FARSB: variants seen among roughly 807,000 people sequenced by gnomAD.
FARSB encodes the protein phenylalanyl-tRNA synthetase subunit beta.
In FARSB, 40 loss-of-function variants were observed where a neutral mutation model predicts 69.6. That is an observed-to-expected ratio of 0.57 (90% CI 0.45 to 0.75). The LOEUF (loss-of-function observed/expected upper bound fraction) is 0.75. FARSB is among the 30% of genes least tolerant of loss of function. The pLI is 0.00. For synonymous variants in FARSB, 235 were observed against 247.2 expected (o/e 0.95, Z 0.46); for missense variants, 632 against 722.9 (o/e 0.87, Z 1.44).
At chr2:222,580,722 A>C (rs1689945755) in intron 16 of FARSB, among the ~76,000 whole-genome samples, 1 of 152,190 alleles carries the variant, frequency 6.6e-6, no homozygotes, top group Non-Finnish European at 1.5e-5. Context: ...AAATGCCCCA[A>C]ATCAACCTAG....
chr2:222,575,221 G>A (rs1018346787), intron 16 of FARSB, among the ~76,000 whole-genome samples: 17 of 152,200 alleles, frequency 1.1e-4, no homozygotes, highest in African/African-American at 3.9e-4. Context: ...TAGGACTAAT[G>A]TGCCGTAAAG....
At chr2:222,619,415 A>T (rs1489037890) in intron 14 of FARSB, among the ~76,000 whole-genome samples, 1 of 152,216 alleles carries the variant, frequency 6.6e-6, no homozygotes, top group Non-Finnish European at 1.5e-5. Flanking sequence ...AGATAATACA[A>T]AGCAAGTAAG....
At position 222,619,156 on chromosome 2, in the gene FARSB, T is replaced by A. The variant is rs536607307; in HGVS notation, c.1344+489A>T. Reference sequence around the variant, plus strand: ...GACTCTGTCTCAAAAAAAAAAAAAATTTAGCCAAGCATCGTGGCATGCACC... The same window carrying A: ...GACTCTGTCTCAAAAAAAAAAAAAAATTAGCCAAGCATCGTGGCATGCACC... On this transcript the variant is annotated intron_variant, in intron 14 of 16. Transcript: ENST00000281828. 1.8e-3 allele frequency among the ~76,000 whole-genome samples: 219 copies of A among 124,816 alleles called. 1 individual carries two copies. Among genetic ancestry groups the A allele is most frequent in the Admixed American group, 0.015 (187 of 12,418 alleles). 81.9% of individuals were successfully genotyped at this position (124,816 alleles called of 152,430 possible).
rs1051860072 is a variant in FARSB, at chr2:222,568,179, A to C, written c.*3692T>G. On this transcript the variant is annotated 3_prime_UTR_variant, in exon 17 of 17. Coordinates refer to ENST00000281828, the MANE Select transcript of FARSB (RefSeq NM_005687.5). The surrounding 1 kb of genome is among the most constrained non-coding windows in gnomAD (Gnocchi z 4.3). ...ATTGTTAACAGCAGTTAGTTACTTC[A>C]GGGAATCAGGAGGAAGAAAGGTAGA... 2.6e-5 allele frequency: 4 copies of C among 152,244 alleles called. No homozygotes were observed. The highest frequency in any genetic ancestry group is 5.9e-5 in the Non-Finnish European group (4 of 68,036). The allele number at this position is 152,244 out of a possible 1,614,324, so 9.4% of individuals were successfully genotyped here.
At chr2:222,643,049 ACT>A in intron 2 of FARSB, 44 bp from the exon 3 acceptor site, 1 of 1,292,524 alleles carries the variant, frequency 7.7e-7, no homozygotes, top group Non-Finnish European at 1.1e-6. Flanking sequence ...AATAATTTAA[ACT>A]CTCTTTAAAA....
intron 16 of FARSB, among the ~76,000 whole-genome samples, chr2:222,583,722 T>C (rs1319903494): frequency 1.3e-5 from 2 of 151,860 alleles, no homozygotes; most frequent in Non-Finnish European, 2.9e-5. Context: ...ATAATCCCCA[T>C]GGGAGGGTCT....
chr2:222,592,276 T>A (rs1472102808), intron 16 of FARSB, among the ~76,000 whole-genome samples: 1 of 152,170 alleles, frequency 6.6e-6, no homozygotes, highest in Admixed American at 6.6e-5. Context: ...ATTTATTCAA[T>A]GTGTTTTCCT....
chr2:222,605,896 C>G lies in FARSB; in HGVS notation c.1463-5813G>C, dbSNP rs1237077937. Reference sequence around the variant, plus strand: ...AGATTGCAGTGAGCTATGATCATGCCTGAGTGACAGAGTGAGACCCTGCCT... The same window carrying G: ...AGATTGCAGTGAGCTATGATCATGCGTGAGTGACAGAGTGAGACCCTGCCT... On this transcript the variant is annotated intron_variant, in intron 15 of 16. Transcript: ENST00000281828. Among the ~76,000 whole-genome samples the G allele has an allele frequency of 2.0e-5, 3 of 152,092 alleles. No homozygotes were observed. The East Asian group carries it at 5.8e-4, about 29-fold the overall frequency.
intron 15 of FARSB, among the ~76,000 whole-genome samples, chr2:222,607,881 TC>T (rs1292415929): frequency 6.6e-6 from 1 of 152,074 alleles, no homozygotes; most frequent in African/African-American, 2.4e-5. Flanking sequence ...TATGACCTTC[TC>T]AACGCATGAA....
chr2:222,605,367 A>C (rs1327472064), intron 15 of FARSB, among the ~76,000 whole-genome samples: 1 of 152,168 alleles, frequency 6.6e-6, no homozygotes, highest in Non-Finnish European at 1.5e-5. Flanking sequence ...ACGTATTGAA[A>C]CAACTTTGGA....
chr2:222,639,491 G>T, intron 5 of FARSB, 89 bp downstream of exon 5: 1 of 502,532 alleles, frequency 2.0e-6, no homozygotes, highest in Non-Finnish European at 3.6e-6. Context: ...AGTGGCAAGA[G>T]AGAAGAGGGA....
intron 3 of FARSB, 44 bp downstream of exon 3, chr2:222,642,807 G>C (rs2106238446): frequency 6.8e-7 from 1 of 1,462,786 alleles, no homozygotes; most frequent in Non-Finnish European, 9.2e-7. Flanking sequence ...GGAAAGAAAA[G>C]AAAACCCAAC....
rs1056506011 is a variant in FARSB, at chr2:222,568,180, G to A, written c.*3691C>T. ...TTGTTAACAGCAGTTAGTTACTTCAGGGAATCAGGAGGAAGAAAGGTAGAT... is the reference window on the plus strand; with the variant it reads ...TTGTTAACAGCAGTTAGTTACTTCAAGGAATCAGGAGGAAGAAAGGTAGAT... On this transcript the variant is annotated 3_prime_UTR_variant, in exon 17 of 17. Coordinates refer to ENST00000281828, the MANE Select transcript of FARSB (RefSeq NM_005687.5). The surrounding 1 kb of genome is among the most constrained non-coding windows in gnomAD (Gnocchi z 4.3). 3 of 152,138 alleles carry A rather than the reference G, an allele frequency of 2.0e-5. No homozygotes were observed. Among genetic ancestry groups the A allele is most frequent in the Non-Finnish European group, 4.4e-5 (3 of 68,020 alleles). The allele number at this position is 152,138 out of a possible 1,614,324, so 9.4% of individuals were successfully genotyped here. A position where few individuals can be genotyped will look rare whatever the true frequency, so the allele number is the denominator to read the frequency against.
chr2:222,647,726 T>C (rs113622931), intron 2 of FARSB, among the ~76,000 whole-genome samples: 8,222 of 152,244 alleles, frequency 0.054, 449 homozygotes, highest in African/African-American at 0.14. Flanking sequence ...GATCGCGCTG[T>C]CGCACTCCAG....
chr2:222,632,977 GA>G (rs1249217744), intron 7 of FARSB, among the ~76,000 whole-genome samples: 1 of 152,180 alleles, frequency 6.6e-6, no homozygotes, highest in East Asian at 1.9e-4. Context: ...CCTAGCATCA[GA>G]AAATATTTAT....
At chr2:222,572,535 C>G (rs1029766820) in intron 16 of FARSB, among the ~76,000 whole-genome samples, 3 of 152,214 alleles carry the variant, frequency 2.0e-5, no homozygotes, top group Non-Finnish European at 4.4e-5. Context: ...GAAACTGGAG[C>G]CGCCGTGTCA....
At chr2:222,633,056 T>C (rs1013621373) in intron 7 of FARSB, 143 bp downstream of exon 7, 1 of 602,244 alleles carries the variant, frequency 1.7e-6, no homozygotes, top group Non-Finnish European at 2.9e-6. Context: ...ATGAAAAGAA[T>C]GATTAGAATC....
chr2:222,594,619 G>T (rs746128311), intron 16 of FARSB, among the ~76,000 whole-genome samples: 19 of 151,942 alleles, frequency 1.3e-4, no homozygotes, highest in Non-Finnish European at 2.4e-4. Flanking sequence ...TAAGGAAAAA[G>T]AAAATATCTA....
intron 10 of FARSB, among the ~76,000 whole-genome samples, chr2:222,626,733 AATC>A (rs1214289816): frequency 6.6e-6 from 1 of 152,190 alleles, no homozygotes; most frequent in Non-Finnish European, 1.5e-5. Context: ...ACACTTGACA[AATC>A]ATCATATTGA....
Sources: allele counts gnomAD v4.1 joint callset (sites outside exome capture counted in the v4.1 genomes callset), GRCh38; gene constraint gnomAD v4.1.1; non-coding constraint Gnocchi (gnomAD v3.1); transcripts MANE v1.5; gene names NCBI Gene and HGNC (gene_info 2026-07-23, HGNC 2026-07-21).